DAB1: variants seen among roughly 807,000 people sequenced by gnomAD.
DAB1 encodes the protein disabled homolog 1.
In DAB1, 15 loss-of-function variants were observed where a neutral mutation model predicts 64.6. The ratio of observed to expected loss-of-function variants is 0.23; its 90% confidence interval spans 0.16 to 0.36. The LOEUF is 0.36. Among genes scored for constraint, DAB1 ranks in the 10% least tolerant of loss-of-function variants. DAB1 has a pLI of 1.00. For missense variants in DAB1, 596 were observed against 706.7 expected (o/e 0.84, Z 1.78); for synonymous variants, 235 against 251.9 (o/e 0.93, Z 0.64).
intron 3 of DAB1, among the ~76,000 whole-genome samples, chr1:58,410,428 A>G (rs964079822): frequency 6.6e-6 from 1 of 152,090 alleles, no homozygotes; most frequent in African/African-American, 2.4e-5. Context: ...TTCTTGAAGG[A>G]TCTGGGAAAG....
intron 2 of DAB1, among the ~76,000 whole-genome samples, chr1:57,217,597 C>G (rs1162453777): frequency 1.3e-5 from 2 of 152,140 alleles, no homozygotes; most frequent in African/African-American, 4.8e-5. Flanking sequence ...AGCAAGGTGA[C>G]CAAAATCTCA....
chr1:57,093,192 G>A (rs1457471024), intron 4 of DAB1, among the ~76,000 whole-genome samples: 1 of 152,188 alleles, frequency 6.6e-6, no homozygotes, highest in African/African-American at 2.4e-5. Flanking sequence ...TTCAGGCAGA[G>A]GCAGGTGGCT....
chr1:58,036,927 A>G (rs2100493862), intron 5 of DAB1, among the ~76,000 whole-genome samples: 1 of 152,274 alleles, frequency 6.6e-6, no homozygotes, highest in Admixed American at 6.5e-5. Context: ...CCTGCCTTGC[A>G]TTGGTTAAGG....
At chr1:58,166,639 C>T (rs1238304294) in intron 4 of DAB1, among the ~76,000 whole-genome samples, 2 of 151,996 alleles carry the variant, frequency 1.3e-5, no homozygotes, top group Non-Finnish European at 2.9e-5. Context: ...ACATGTTTTC[C>T]TATATGTTTT....
intron 4 of DAB1, among the ~76,000 whole-genome samples, chr1:58,184,538 C>A (rs979932922): frequency 1.3e-5 from 2 of 152,022 alleles, no homozygotes; most frequent in Admixed American, 6.6e-5. Flanking sequence ...GGTACACTAT[C>A]CAAATACATG....
chr1:57,367,043 C>CAAAATAAAATAAAAT lies in DAB1; in HGVS notation c.-137+56872_-137+56886dup, dbSNP rs148354078. 5.3e-3 allele frequency among the ~76,000 whole-genome samples: 490 copies of CAAAATAAAATAAAAT among 91,696 alleles called. 21 individuals carry two copies. The highest frequency in any genetic ancestry group is 5.8e-3 in the Non-Finnish European group (254 of 44,086). The allele number at this position is 91,696 out of a possible 152,430, so 60.2% of individuals were successfully genotyped here. On this transcript the variant is annotated intron_variant, in intron 1 of 14. Coordinates refer to ENST00000371236, the MANE Select transcript of DAB1 (RefSeq NM_001365792.1). Reference sequence around the variant, plus strand: ...GCAACACAGTGAGACCCTGTCTCCACAAAATAAAATAAAATAAAATAAAAT... The same window carrying CAAAATAAAATAAAAT: ...GCAACACAGTGAGACCCTGTCTCCACAAAATAAAATAAAATAAAATAAAATAAAATAAAATAAAAT...
chr1:58,141,835 T>C (rs747020997), intron 5 of DAB1, among the ~76,000 whole-genome samples: 4 of 152,188 alleles, frequency 2.6e-5, no homozygotes, highest in Non-Finnish European at 5.9e-5. Flanking sequence ...GGCAGAGATG[T>C]GATACAACAT....
chr1:57,247,445 A>G (rs1029964389), intron 2 of DAB1, among the ~76,000 whole-genome samples: 1 of 152,172 alleles, frequency 6.6e-6, no homozygotes, highest in African/African-American at 2.4e-5. Context: ...GCTTCCTGTT[A>G]AGTCTGTGGA....
At chr1:57,692,878 C>A (rs1260910788) in intron 6 of DAB1, among the ~76,000 whole-genome samples, 2 of 152,134 alleles carry the variant, frequency 1.3e-5, no homozygotes, top group African/African-American at 4.8e-5. Flanking sequence ...CCGGCATTTA[C>A]AGGAAAAGGC....
At chr1:57,906,158 A>T (rs1052408001) in intron 5 of DAB1, among the ~76,000 whole-genome samples, 1 of 152,184 alleles carries the variant, frequency 6.6e-6, no homozygotes, top group Non-Finnish European at 1.5e-5. Context: ...TGCTTCCTGG[A>T]ATGTGACTTG....
At chr1:57,735,669 G>A (rs538022827) in intron 6 of DAB1, among the ~76,000 whole-genome samples, 2 of 135,916 alleles carry the variant, frequency 1.5e-5, no homozygotes, top group Non-Finnish European at 3.1e-5. Context: ...TCACTCTAGA[G>A]AATAAAACAA....
chr1:58,375,100 T>G (rs1242039220), intron 3 of DAB1, among the ~76,000 whole-genome samples: 1 of 147,568 alleles, frequency 6.8e-6, no homozygotes, highest in Non-Finnish European at 1.5e-5. Flanking sequence ...TGGGGTTTTC[T>G]AGATAAACAA....
chr1:57,326,933 T>C (rs1294262870), intron 1 of DAB1, among the ~76,000 whole-genome samples: 2 of 124,912 alleles, frequency 1.6e-5, no homozygotes. Flanking sequence ...AGAGCACTAT[T>C]ATTTATTTAT....
intron 5 of DAB1, among the ~76,000 whole-genome samples, chr1:58,148,338 C>T (rs1654727527): frequency 6.6e-6 from 1 of 152,206 alleles, no homozygotes; most frequent in Admixed American, 6.5e-5. Context: ...ACACACACCA[C>T]ATCATACTAT....
rs1312373696 is a variant in DAB1 at position 58,270,406 on chromosome 1, T to C, written n.309+72946A>G. On this transcript the variant is annotated intron_variant and non_coding_transcript_variant, in intron 4 of 20. Transcript: ENST00000485760. ...TATCTCTGTTTTGGTACCAGTACCA[T>C]GCTGTTTTGGTTACTGTAGCCTTGT... Among the ~76,000 whole-genome samples, 200 of 115,022 alleles carry C rather than the reference T, an allele frequency of 1.7e-3. 1 individual carries two copies. The highest frequency in any genetic ancestry group is 6.3e-3 in the South Asian group (17 of 2,696). 75.5% of individuals were successfully genotyped at this position (115,022 alleles called of 152,430 possible). A position where few individuals can be genotyped will look rare whatever the true frequency, so the allele number is the denominator to read the frequency against.
At chr1:57,144,668 T>G (rs1658937225) in intron 3 of DAB1, among the ~76,000 whole-genome samples, 1 of 146,558 alleles carries the variant, frequency 6.8e-6, no homozygotes, top group South Asian at 2.1e-4. Context: ...CACTCCAGCC[T>G]AGGCGATAGA....
intron 3 of DAB1, among the ~76,000 whole-genome samples, chr1:57,141,375 C>T (rs1383392279): frequency 6.6e-6 from 1 of 152,058 alleles, no homozygotes; most frequent in Non-Finnish European, 1.5e-5. Context: ...GGCATTGCTC[C>T]CCACTCCCTT....
At chr1:57,013,744 A>G (rs1165265379) in intron 12 of DAB1, among the ~76,000 whole-genome samples, 1 of 152,210 alleles carries the variant, frequency 6.6e-6, no homozygotes, top group Non-Finnish European at 1.5e-5. Context: ...GTGTCAAGGC[A>G]CAGGCTGAGT....
chr1:57,132,824 C>T (rs1242372000), intron 4 of DAB1, among the ~76,000 whole-genome samples: 1 of 152,034 alleles, frequency 6.6e-6, no homozygotes, highest in Non-Finnish European at 1.5e-5. Flanking sequence ...CTCAGGAAAG[C>T]TCATCAGAAT....
Sources: gnomAD v4.1 joint callset for allele counts (sites outside exome capture counted in the v4.1 genomes callset) on GRCh38, gnomAD v4.1.1 for gene constraint, MANE v1.5 for transcripts, NCBI Gene and HGNC (gene_info 2026-07-23, HGNC 2026-07-21) for gene names.